The following N4BP2 variants were observed in gnomAD, a reference collection of about 807,000 sequenced individuals.
The protein encoded by N4BP2 is NEDD4-binding protein 2.
Under a neutral mutation model 152.8 loss-of-function variants are expected in N4BP2, and 91 were observed. The observed-to-expected ratio is 0.60, with a 90% CI of 0.50 to 0.71. N4BP2 has a LOEUF of 0.71. Ranked by LOEUF, N4BP2 falls within the 30% of genes least tolerant of loss-of-function variation. N4BP2 has a pLI of 0.00. For missense variants in N4BP2, 1,923 were observed against 2,059.1 expected (o/e 0.93, Z 1.28); for synonymous variants, 646 against 705.3 (o/e 0.92, Z 1.33).
chr4:40,152,984 GT>G (rs1721279481), intron 17 of N4BP2, 81 bp downstream of exon 17: 1 of 1,429,518 alleles, frequency 7.0e-7, no homozygotes, highest in Non-Finnish European at 9.7e-7. Context: ...ATAGATTTCT[GT>G]TATTGATAAT....
At chr4:40,169,582 C>T in the N4BP2 span, among the ~76,000 whole-genome samples, 6 of 150,804 alleles carry the variant, frequency 4.0e-5, no homozygotes, top group African/African-American at 1.5e-4. Context: ...AAGGGAAACT[C>T]GACATAACCA....
rs1261701304 is a variant in N4BP2 at position 40,120,342 on chromosome 4, C to G, written c.2231C>G (p.Pro744Arg). ...GACTGTGATCTTGCAAATAGTGGAC[C>G]ACTTCAAAATGAAAAATCCTCACCT... is the stretch of plus-strand genomic sequence containing the variant. ...QEDCDLANSGPLQNEKSSPGE... is the reference protein window; with the variant it reads ...QEDCDLANSGRLQNEKSSPGE... The change falls in exon 9 of 18, where the codon CCA becomes CGA. Residue 744 changes from proline (P) to arginine (R), a missense_variant. Physicochemically the swap from Pro to Arg is moderately radical, Grantham distance 103. Transcript: ENST00000261435. 1 of 1,612,614 alleles carries G rather than the reference C, an allele frequency of 6.2e-7. No individual in the cohort carries two copies.
At chr4:40,087,974 T>G (rs1160769561) in intron 2 of N4BP2, among the ~76,000 whole-genome samples, 8 of 152,082 alleles carry the variant, frequency 5.3e-5, no homozygotes, top group Non-Finnish European at 1.2e-4. Flanking sequence ...CCCAGGATGG[T>G]CTCGAACTCC....
chr4:40,092,170 T>C (rs1714669736), intron 2 of N4BP2, among the ~76,000 whole-genome samples: 1 of 149,572 alleles, frequency 6.7e-6, no homozygotes, highest in Admixed American at 6.7e-5. Context: ...ACTAGCATCA[T>C]AAAATGGATT....
rs150038668 is a variant in N4BP2, at chr4:40,078,816, C to A, written c.-115+5265C>A. Among the ~76,000 whole-genome samples, 18 of 152,138 alleles carry A rather than the reference C, an allele frequency of 1.2e-4. 1 individual carries two copies. In the East Asian group the frequency reaches 3.5e-3, roughly 29 times the overall value. On this transcript the variant is annotated intron_variant, in intron 2 of 17. Coordinates refer to ENST00000261435, the MANE Select transcript of N4BP2 (RefSeq NM_018177.6). Reference sequence around the variant, plus strand: ...GTGCTGGGATTACAGGGATAAGCCACCTACACTTGGCCTCAGAATTAGTAT... The same window carrying A: ...GTGCTGGGATTACAGGGATAAGCCAACTACACTTGGCCTCAGAATTAGTAT...
rs1031001076 is a variant in N4BP2, at chr4:40,155,003, T to C, written c.*766T>C. On this transcript the variant is annotated 3_prime_UTR_variant, in exon 18 of 18. Transcript: ENST00000261435. ...TAGAACTGTCTGTATAAGTCGTATTTCAGACAGTACTAAATACTTATATTT... is the reference window on the plus strand; with the variant it reads ...TAGAACTGTCTGTATAAGTCGTATTCCAGACAGTACTAAATACTTATATTT... 2 of 152,262 alleles carry C rather than the reference T, an allele frequency of 1.3e-5. No individual in the cohort carries two copies. Among genetic ancestry groups the C allele is most frequent in the African/African-American group, 4.8e-5 (2 of 41,474 alleles). The allele number at this position is 152,262 out of a possible 1,614,324, so 9.4% of individuals were successfully genotyped here.
intron 7 of N4BP2, among the ~76,000 whole-genome samples, chr4:40,115,290 A>C (rs1717243820): frequency 1.3e-5 from 2 of 152,150 alleles, no homozygotes; most frequent in African/African-American, 4.8e-5. Flanking sequence ...TGAGCCCAGG[A>C]GTTTGAGACT....
chr4:40,113,555 A>C (rs1717091239), intron 7 of N4BP2, 47 bp downstream of exon 7: 1 of 1,302,638 alleles, frequency 7.7e-7, no homozygotes, highest in Admixed American at 1.7e-5. Flanking sequence ...AACGACAGAC[A>C]GACAAGGTCC....
In N4BP2 at chr4:40,112,127, T is replaced by C. The variant is rs746076947; in HGVS notation, c.1542T>C (p.Asp514=). 7 of 1,574,416 alleles carry C rather than the reference T, an allele frequency of 4.4e-6. No homozygotes were observed. Among genetic ancestry groups the C allele is most frequent in the South Asian group, 1.2e-5 (1 of 85,778 alleles). The change falls in exon 6 of 18, where the codon GAT becomes GAC. Residue 514 remains aspartate, a synonymous_variant. Transcript: ENST00000261435. ...AGAAGATATCTCCTATAATTATAGATAATACAAACCTACAGGCATGGGAAA... is the reference window on the plus strand; with the variant it reads ...AGAAGATATCTCCTATAATTATAGACAATACAAACCTACAGGCATGGGAAA... The part of the protein sequence containing the change: ...FEKKISPIII[D]NTNLQAWEMK...
chr4:40,122,909 C>T (rs1718065699), intron 9 of N4BP2, among the ~76,000 whole-genome samples: 1 of 152,120 alleles, frequency 6.6e-6, no homozygotes, highest in Admixed American at 6.5e-5. Context: ...CTTAGATTTA[C>T]TGTGAAGCTT....
chr4:40,061,158 T>A (rs2109882392), intron 1 of N4BP2, among the ~76,000 whole-genome samples: 1 of 151,840 alleles, frequency 6.6e-6, no homozygotes, highest in Non-Finnish European at 1.5e-5. Context: ...GATTTAAGGT[T>A]ATTAGTGTCT....
chr4:40,097,130 TTGG>T, intron 2 of N4BP2, 94 bp from the exon 3 acceptor site: 1 of 484,910 alleles, frequency 2.1e-6, no homozygotes, highest in East Asian at 3.4e-5. Flanking sequence ...GCTGTTAGAG[TTGG>T]TGGTACTTTC....
chr4:40,142,687 A>G lies in N4BP2; in HGVS notation c.4800A>G (p.Lys1600=). 6.2e-7 allele frequency: 1 copy of G among 1,606,008 alleles called. No homozygotes were observed. Among genetic ancestry groups the G allele is most frequent in the Non-Finnish European group, 8.5e-7 (1 of 1,177,566 alleles). Residue 1600 remains lysine (K), a synonymous_variant, in exon 15 of 18, where the codon AAA becomes AAG. Transcript: ENST00000261435. ...ATATCTTATAGCCAAAGAAATTAAA[A>G]GAGACTGAAGAAACACCAAGTGAAC... is the stretch of plus-strand genomic sequence containing the variant. ...KSKEKKPKKL[K]ETEETPSELS...
chr4:40,115,087 A>C (rs17511730), intron 7 of N4BP2, among the ~76,000 whole-genome samples: 27,554 of 152,106 alleles, frequency 0.18, 3,125 homozygotes, highest in Admixed American at 0.26. Context: ...TCTGCTTCTC[A>C]TTATTCTACC....
intron 15 of N4BP2, among the ~76,000 whole-genome samples, chr4:40,143,461 G>A (rs1339389066): frequency 2.0e-5 from 3 of 151,970 alleles, no homozygotes; most frequent in Non-Finnish European, 2.9e-5. Context: ...CTACAGGCAC[G>A]TGCCACCAGG....
At chr4:40,093,365 A>G (rs1437580861) in intron 2 of N4BP2, among the ~76,000 whole-genome samples, 1 of 151,984 alleles carries the variant, frequency 6.6e-6, no homozygotes, top group Non-Finnish European at 1.5e-5. Flanking sequence ...TAATGTATGC[A>G]TTTAGTGCTA....
rs79258688 is a variant in N4BP2, at chr4:40,117,853, C to A, written c.1665-16C>A. ...ATCAATATTCCTTCAACCCTTTTTT[C>A]CCCTGGAATTTTCAGGCGTAACATT... On this transcript the variant is annotated splice_polypyrimidine_tract_variant and intron_variant, in intron 7 of 17. Coordinates refer to ENST00000261435, the MANE Select transcript of N4BP2 (RefSeq NM_018177.6). The A allele has an allele frequency of 4.4e-6, 7 of 1,579,308 alleles. No individual in the cohort carries two copies. The highest frequency in any genetic ancestry group is 6.0e-6 in the Non-Finnish European group (7 of 1,165,226).
At position 40,097,263 on chromosome 4, in the gene N4BP2, C is replaced by G; in HGVS notation, c.-78C>G. On this transcript the variant is annotated 5_prime_UTR_variant, in exon 3 of 18. Coordinates refer to ENST00000261435, the MANE Select transcript of N4BP2 (RefSeq NM_018177.6). ...GCTGGATTGTGCAAGATATTTAACCCTATTTTGTTTGAATTATGACTTAAA... is the reference window on the plus strand; with the variant it reads ...GCTGGATTGTGCAAGATATTTAACCGTATTTTGTTTGAATTATGACTTAAA... The G allele has an allele frequency of 8.3e-7, 1 of 1,198,482 alleles. No individual in the cohort carries two copies. Among genetic ancestry groups the G allele is most frequent in the South Asian group, 1.3e-5 (1 of 75,956 alleles). The allele number at this position is 1,198,482 out of a possible 1,614,324, so 74.2% of individuals were successfully genotyped here. A position where few individuals can be genotyped will look rare whatever the true frequency, so the allele number is the denominator to read the frequency against.
the N4BP2 span, among the ~76,000 whole-genome samples, chr4:40,173,969 A>T: frequency 9.2e-5 from 14 of 152,346 alleles, no homozygotes; most frequent in Admixed American, 9.1e-4. Context: ...TCTAATTATA[A>T]AAGTAATAAT....
Sources: allele counts gnomAD v4.1 joint callset (sites outside exome capture counted in the v4.1 genomes callset), GRCh38; gene constraint gnomAD v4.1.1; transcripts MANE v1.5; gene names NCBI Gene and HGNC (gene_info 2026-07-23, HGNC 2026-07-21).